SYN3: variants seen among roughly 807,000 people sequenced by gnomAD.
SYN3 encodes synapsin III.
SYN3 carries 35 observed loss-of-function variants against 65.8 expected under a neutral mutation model. That is an observed-to-expected ratio of 0.53 (90% CI 0.41 to 0.70). The LOEUF (loss-of-function observed/expected upper bound fraction) is 0.70, where lower values mean the gene tolerates loss of function less well. SYN3 is among the 30% of genes least tolerant of loss of function. The pLI, the probability that SYN3 is intolerant of heterozygous loss-of-function variation, is 0.00. For missense variants in SYN3, 680 were observed against 749.0 expected, an observed-to-expected ratio of 0.91 and a Z score of 1.08; for synonymous variants, 270 against 292.9, an observed-to-expected ratio of 0.92 and a Z score of 0.80.
At chr22:32,736,234 G>A (rs938092674) in intron 6 of SYN3, among the ~76,000 whole-genome samples, 13 of 152,162 alleles carry the variant, frequency 8.5e-5, no homozygotes, top group African/African-American at 2.9e-4. Flanking sequence ...TAACATCCAC[G>A]AAATTCCCTG....
At chr22:32,728,618 T>G (rs1484208273) in intron 6 of SYN3, among the ~76,000 whole-genome samples, 1 of 152,174 alleles carries the variant, frequency 6.6e-6, no homozygotes, top group Non-Finnish European at 1.5e-5. Flanking sequence ...CAAGGCAATC[T>G]CAGGGAGCAC....
intron 1 of SYN3, among the ~76,000 whole-genome samples, chr22:33,036,205 G>A (rs2032983186): frequency 6.6e-6 from 1 of 152,158 alleles, no homozygotes; most frequent in Admixed American, 6.5e-5. Context: ...AGCAGCCTCA[G>A]ATGTGTCTGT....
chr22:32,668,942 C>T (rs1308992114), intron 6 of SYN3, among the ~76,000 whole-genome samples: 3 of 152,198 alleles, frequency 2.0e-5, no homozygotes, highest in Non-Finnish European at 4.4e-5. Flanking sequence ...GCATTTGCTA[C>T]ATTCTTAGCA....
At chr22:32,624,160 G>A (rs529301720) in intron 6 of SYN3, among the ~76,000 whole-genome samples, 9 of 152,302 alleles carry the variant, frequency 5.9e-5, no homozygotes, top group South Asian at 2.1e-4. Flanking sequence ...TGACATCATC[G>A]CTCCCTCCCT....
intron 6 of SYN3, among the ~76,000 whole-genome samples, chr22:32,635,828 T>C (rs934809322): frequency 6.6e-6 from 1 of 152,216 alleles, no homozygotes; most frequent in Non-Finnish European, 1.5e-5. Flanking sequence ...ACGTTATTTT[T>C]GTTTTAACTG....
intron 12 of SYN3, among the ~76,000 whole-genome samples, chr22:32,522,889 A>G (rs957815553): frequency 6.6e-6 from 1 of 152,166 alleles, no homozygotes; most frequent in African/African-American, 2.4e-5. Context: ...ACTGGATTCA[A>G]ACACACTAGA....
In SYN3 at chr22:32,768,906, A is replaced by G. The variant is rs185747732; in HGVS notation, c.711+96009T>C. Among the ~76,000 whole-genome samples the G allele has an allele frequency of 9.8e-5, 15 of 152,320 alleles. No homozygotes were observed. The East Asian group carries it at 2.7e-3, about 27-fold the overall frequency. On this transcript the variant is annotated intron_variant, in intron 6 of 13. Transcript: ENST00000358763. ...TAAGAAGAGAACTGCCAAAGCTCTC[A>G]GCACCACATCTACCCACCTTCCAGT...
rs747880634 is a variant in SYN3 at position 32,508,475 on chromosome 22, G to C, written c.*5217C>G. Among the ~76,000 whole-genome samples, 36 of 152,190 alleles carry C rather than the reference G, an allele frequency of 2.4e-4. No homozygotes were observed. The highest frequency in any genetic ancestry group is 2.2e-4 in the Non-Finnish European group (15 of 68,032). ...ATGTTGCTCACACAAAGCCTGTTTAGTGGTCTCTTCACACAGACGCGCATG... is the reference window on the plus strand; with the variant it reads ...ATGTTGCTCACACAAAGCCTGTTTACTGGTCTCTTCACACAGACGCGCATG... On this transcript the variant is annotated 3_prime_UTR_variant, in exon 14 of 14. Coordinates refer to ENST00000358763, the MANE Select transcript of SYN3 (RefSeq NM_003490.4).
intron 6 of SYN3, among the ~76,000 whole-genome samples, chr22:32,818,660 C>A (rs546517951): frequency 6.6e-6 from 1 of 152,198 alleles, no homozygotes; most frequent in Non-Finnish European, 1.5e-5. Flanking sequence ...TCCCCTCCGG[C>A]GCTGGGCCTC....
At chr22:32,804,186 C>T (rs973156088) in intron 6 of SYN3, among the ~76,000 whole-genome samples, 3 of 152,194 alleles carry the variant, frequency 2.0e-5, no homozygotes, top group Non-Finnish European at 2.9e-5. Context: ...TGCTCTGGCA[C>T]GGATCCCAAA....
At chr22:32,934,670 T>C (rs781195777) in intron 3 of SYN3, among the ~76,000 whole-genome samples, 15 of 152,166 alleles carry the variant, frequency 9.9e-5, no homozygotes, top group African/African-American at 1.4e-4. Context: ...CTCATGAAAA[T>C]TGTAGTGAAT....
chr22:32,923,694 T>C (rs2050393997), intron 4 of SYN3, among the ~76,000 whole-genome samples: 1 of 152,236 alleles, frequency 6.6e-6, no homozygotes, highest in African/African-American at 2.4e-5. Flanking sequence ...TATTTGTTTA[T>C]TAAACTTTTA....
chr22:32,959,115 C>T (rs1031285484), intron 3 of SYN3, among the ~76,000 whole-genome samples: 4 of 151,912 alleles, frequency 2.6e-5, no homozygotes, highest in Non-Finnish European at 1.5e-5. Flanking sequence ...CCCACAAGTC[C>T]CAGTGGGAGA....
intron 6 of SYN3, among the ~76,000 whole-genome samples, chr22:32,735,959 CT>C: frequency 6.6e-6 from 1 of 152,328 alleles, no homozygotes; most frequent in South Asian, 2.1e-4. Context: ...CAGCAAGGGG[CT>C]CCTGCCCAGG....
intron 12 of SYN3, among the ~76,000 whole-genome samples, chr22:32,521,234 T>C (rs942744641): frequency 1.3e-5 from 2 of 152,052 alleles, no homozygotes; most frequent in African/African-American, 4.8e-5. Flanking sequence ...ATAAAGAACA[T>C]AGCAATTGCC....
chr22:32,658,898 T>C (rs1013091922), intron 6 of SYN3, among the ~76,000 whole-genome samples: 1 of 152,196 alleles, frequency 6.6e-6, no homozygotes, highest in East Asian at 1.9e-4. Flanking sequence ...CAGGAATGAT[T>C]GCTAACATAC....
chr22:32,572,963 C>A (rs1423773317), intron 7 of SYN3, among the ~76,000 whole-genome samples: 2 of 152,212 alleles, frequency 1.3e-5, no homozygotes, highest in Non-Finnish European at 2.9e-5. Flanking sequence ...GGGCTGGAAG[C>A]AATGGTGTCC....
At chr22:32,901,435 C>T (rs1242952097) in intron 4 of SYN3, among the ~76,000 whole-genome samples, 1 of 152,192 alleles carries the variant, frequency 6.6e-6, no homozygotes, top group Non-Finnish European at 1.5e-5. Flanking sequence ...CTTCTTGCCA[C>T]TAAAGAGAAT....
intron 2 of SYN3, among the ~76,000 whole-genome samples, chr22:32,981,912 A>G (rs182772161): frequency 1.9e-4 from 29 of 152,254 alleles, no homozygotes; most frequent in African/African-American, 7.0e-4. Flanking sequence ...AAAACCACAC[A>G]TGGTTTATCT....
Sources: allele counts gnomAD v4.1 joint callset (sites outside exome capture counted in the v4.1 genomes callset), GRCh38; gene constraint gnomAD v4.1.1; transcripts MANE v1.5; gene names NCBI Gene and HGNC (gene_info 2026-07-23, HGNC 2026-07-21).